Variants in GLRA1 observed in about 807,000 individuals in gnomAD.
The protein encoded by GLRA1 is glycine receptor subunit alpha-1.
GLRA1 carries 37 observed loss-of-function variants against 48.3 expected under a neutral mutation model. That is an observed-to-expected ratio of 0.77 (90% confidence interval 0.59 to 1.01). GLRA1 has a LOEUF of 1.01. GLRA1 is among the 50% of genes least tolerant of loss of function. The pLI is 0.00. For missense variants in GLRA1, 427 were observed against 571.0 expected, an observed-to-expected ratio of 0.75 and a Z score of 2.57; for synonymous variants, 196 against 210.7, an observed-to-expected ratio of 0.93 and a Z score of 0.60.
chr5:151,871,810 T>C (rs1448869710), intron 3 of GLRA1, among the ~76,000 whole-genome samples: 2 of 149,826 alleles, frequency 1.3e-5, no homozygotes, highest in South Asian at 2.1e-4. Context: ...GTGATCTGCC[T>C]GCCTCGGCCT....
At position 151,886,775 on chromosome 5, in the gene GLRA1, G is replaced by T. The variant is rs200606738; in HGVS notation, c.198C>A (p.Asn66Lys). The T allele has an allele frequency of 6.2e-7, 1 of 1,612,628 alleles. No homozygotes were observed. Among genetic ancestry groups the T allele is most frequent in the Non-Finnish European group, 8.5e-7 (1 of 1,178,652 alleles). Reference sequence around the variant, plus strand: ...TGTTGATGAAAATGTTGCAGCTCACGTTCACTGGGGGACCTGCCAATCAAG... The same window carrying T: ...TGTTGATGAAAATGTTGCAGCTCACTTTCACTGGGGGACCTGCCAATCAAG... ...IRPNFKGPPV[N>K]VSCNIFINSF... Residue 66 changes from asparagine to lysine, a missense_variant, in exon 3 of 9, where the codon AAC becomes AAA. Coordinates refer to ENST00000274576, the MANE Select transcript of GLRA1 (RefSeq NM_000171.4).
chr5:151,828,111 C>T (rs1763323906), intron 8 of GLRA1, among the ~76,000 whole-genome samples: 1 of 152,068 alleles, frequency 6.6e-6, no homozygotes, highest in Non-Finnish European at 1.5e-5. Flanking sequence ...AATCAGGATA[C>T]ATTTTTAGAA....
chr5:151,839,310 G>A (rs1485061176), intron 7 of GLRA1, among the ~76,000 whole-genome samples: 3 of 152,112 alleles, frequency 2.0e-5, no homozygotes, highest in Non-Finnish European at 4.4e-5. Context: ...GAAATAAGGA[G>A]TATTAGTAAA....
chr5:151,851,622 G>A lies in GLRA1; in HGVS notation c.698-18C>T. 6.4e-7 allele frequency: 1 copy of A among 1,562,174 alleles called. No homozygotes were observed. The highest frequency in any genetic ancestry group is 8.8e-7 in the Non-Finnish European group (1 of 1,132,538). ...GAATTTACCTGCAAGAAATTGCAGT[G>A]AGAAGGCAGTGTAGCCTGGTGAATA... On this transcript the variant is annotated intron_variant, in intron 6 of 8. Transcript: ENST00000274576.
At chr5:151,847,612 G>A (rs911633151) in intron 7 of GLRA1, among the ~76,000 whole-genome samples, 2 of 152,068 alleles carry the variant, frequency 1.3e-5, no homozygotes, top group African/African-American at 4.8e-5. Context: ...CCAGCTACCC[G>A]GGAGGCTGAG....
At chr5:151,829,285 A>AT (rs1430526602) in intron 7 of GLRA1, among the ~76,000 whole-genome samples, 1 of 152,244 alleles carries the variant, frequency 6.6e-6, no homozygotes, top group African/African-American at 2.4e-5. Context: ...TATGGTACCT[A>AT]TGACAGTACT....
intron 3 of GLRA1, among the ~76,000 whole-genome samples, chr5:151,881,491 A>AATTT (rs1434027511): frequency 2.8e-5 from 3 of 108,928 alleles, no homozygotes; most frequent in African/African-American, 1.1e-4. Flanking sequence ...CATGCCCTGC[A>AATTT]ATTTTTTTTT....
At chr5:151,856,268 G>A in intron 5 of GLRA1, 33 bp downstream of exon 5, 1 of 1,455,318 alleles carries the variant, frequency 6.9e-7, no homozygotes, top group Non-Finnish European at 9.6e-7. Flanking sequence ...AAGGAGCCTG[G>A]TTCTTTCTAG....
intron 4 of GLRA1, among the ~76,000 whole-genome samples, chr5:151,857,937 T>G (rs1753091861): frequency 6.6e-6 from 1 of 152,260 alleles, no homozygotes. Flanking sequence ...GAGAGTCATC[T>G]AAAGTCACAC....
chr5:151,908,001 C>T (rs949569492), intron 1 of GLRA1, among the ~76,000 whole-genome samples: 1 of 152,108 alleles, frequency 6.6e-6, no homozygotes, highest in East Asian at 1.9e-4. Flanking sequence ...CATAATCTGG[C>T]CTGGAGGAGG....
intron 3 of GLRA1, among the ~76,000 whole-genome samples, chr5:151,862,392 C>T (rs1265135676): frequency 6.6e-6 from 1 of 152,238 alleles, no homozygotes; most frequent in African/African-American, 2.4e-5. Flanking sequence ...ATGTCTAAAA[C>T]ACCAAAAGCA....
intron 1 of GLRA1, among the ~76,000 whole-genome samples, chr5:151,913,171 C>T (rs1009830473): frequency 6.6e-6 from 1 of 152,118 alleles, no homozygotes; most frequent in African/African-American, 2.4e-5. Flanking sequence ...AGTGGGACTT[C>T]GTGTATCTAT....
chr5:151,889,749 G>C (rs1754011711), intron 2 of GLRA1, among the ~76,000 whole-genome samples: 2 of 152,106 alleles, frequency 1.3e-5, no homozygotes, highest in African/African-American at 2.4e-5. Context: ...TGGGGTTTTA[G>C]GGAATCTGAT....
chr5:151,830,146 C>CT (rs1283398303), intron 7 of GLRA1, among the ~76,000 whole-genome samples: 1 of 152,202 alleles, frequency 6.6e-6, no homozygotes, highest in Non-Finnish European at 1.5e-5. Context: ...AAACCAACAG[C>CT]TGTCTGGAAG....
rs139158347 is a variant in GLRA1, at chr5:151,860,703, G to T, written c.253-695C>A. Among the ~76,000 whole-genome samples, 460 of 150,628 alleles carry T rather than the reference G, an allele frequency of 3.1e-3. 4 individuals are homozygous for T. Among genetic ancestry groups the T allele is most frequent in the Non-Finnish European group, 4.3e-3 (294 of 67,836 alleles). ...TTGGAAAGGTTTACTAGATGTCATGGAGTCACATCTTACTAGCTTCTTGTT... is the reference window on the plus strand; with the variant it reads ...TTGGAAAGGTTTACTAGATGTCATGTAGTCACATCTTACTAGCTTCTTGTT... On this transcript the variant is annotated intron_variant, in intron 3 of 8. Transcript: ENST00000274576.
At chr5:151,886,816 G>A (rs749377305) in intron 2 of GLRA1, 28 bp from the exon 3 acceptor site, 51 of 1,556,660 alleles carry the variant, frequency 3.3e-5, no homozygotes, top group Non-Finnish European at 4.3e-5. Context: ...TTCCTGCTTA[G>A]CCCCAAGGCC....
chr5:151,844,730 A>G (rs1417992911), intron 7 of GLRA1, among the ~76,000 whole-genome samples: 1 of 151,978 alleles, frequency 6.6e-6, no homozygotes, highest in East Asian at 1.9e-4. Context: ...ACTTTTGAGC[A>G]TAAATGATAC....
At chr5:151,917,178 T>G (rs1236938942) in intron 1 of GLRA1, among the ~76,000 whole-genome samples, 1 of 152,186 alleles carries the variant, frequency 6.6e-6, no homozygotes, top group Non-Finnish European at 1.5e-5. Context: ...AGCCTTGCTG[T>G]GCAAACCTTT....
chr5:151,822,883 G>C lies in GLRA1; in HGVS notation c.1140C>G (p.Ile380Met), dbSNP rs529962135. The change falls in exon 9 of 9, where the codon ATC becomes ATG. Residue 380 changes from isoleucine (I) to methionine (M), a missense_variant. Physicochemically the swap from Ile to Met is conservative, Grantham distance 10 (BLOSUM62 1). Coordinates refer to ENST00000274576, the MANE Select transcript of GLRA1 (RefSeq NM_000171.4). ...GPACLQAKDGISVKGANNSNT... is the reference protein window; with the variant it reads ...GPACLQAKDGMSVKGANNSNT... The stretch of plus-strand genomic sequence containing the variant: ...TACTGTTGTTGGCGCCCTTGACTGA[G>C]ATGCCATCCTTGGCCTGTAGACAGG... 6.2e-7 allele frequency: 1 copy of C among 1,614,102 alleles called. No homozygotes were observed. The highest frequency in any genetic ancestry group is 8.5e-7 in the Non-Finnish European group (1 of 1,179,978).
Sources: allele counts gnomAD v4.1 joint callset (sites outside exome capture counted in the v4.1 genomes callset), GRCh38; gene constraint gnomAD v4.1.1; transcripts MANE v1.5; gene names NCBI Gene and HGNC (gene_info 2026-07-23, HGNC 2026-07-21).